The following API5 variants were observed in gnomAD, a reference collection of about 807,000 sequenced individuals.
The protein encoded by API5 is FIF.
In API5, 6 loss-of-function variants were observed where a neutral mutation model predicts 71.9. That is an observed-to-expected ratio of 0.08 (90% CI 0.05 to 0.16). The LOEUF (loss-of-function observed/expected upper bound fraction) is 0.16, where lower values mean the gene tolerates loss of function less well. API5 is among the 10% of genes least tolerant of loss of function. The pLI, the probability that API5 is intolerant of heterozygous loss-of-function variation, is 1.00. For synonymous variants in API5, 189 were observed against 221.3 expected, an observed-to-expected ratio of 0.85 and a Z score of 1.30; for missense variants, 332 against 612.8, an observed-to-expected ratio of 0.54 and a Z score of 4.84.
intron 13 of API5, among the ~76,000 whole-genome samples, chr11:43,341,827 A>G (rs1855625822): frequency 6.6e-6 from 1 of 152,218 alleles, no homozygotes. Context: ...ACGAATATGT[A>G]GAATTATTAT....
intron 11 of API5, chr11:43,332,184 T>C (rs1855280360): frequency 6.6e-6 from 1 of 152,228 alleles, no homozygotes; most frequent in African/African-American, 2.4e-5. Context: ...TCTCCTGCTA[T>C]ACTCTCACAG....
rs1854884990 is a variant in API5 at position 43,321,380 on chromosome 11, A to G, written c.326-31A>G. 2.6e-6 allele frequency: 4 copies of G among 1,554,648 alleles called. No homozygotes were observed. The African/African-American group carries it at 5.5e-5, about 21-fold the overall frequency. On this transcript the variant is annotated intron_variant, in intron 3 of 13. Coordinates refer to ENST00000531273, the MANE Select transcript of API5 (RefSeq NM_001142930.2). ...GCAGATGATATTTTAAATTTGTTTT[A>G]TATTCATTATGCCACTTTTTCTTTA...
chr11:43,324,493 T>G (rs1855002109), intron 6 of API5, among the ~76,000 whole-genome samples: 1 of 152,074 alleles, frequency 6.6e-6, no homozygotes, highest in Admixed American at 6.5e-5. Flanking sequence ...CCCGTCCCTG[T>G]AATCCCAATC....
intron 3 of API5, among the ~76,000 whole-genome samples, 181 bp downstream of exon 3, chr11:43,321,095 G>A (rs5743219): frequency 6.6e-6 from 1 of 152,018 alleles, no homozygotes; most frequent in South Asian, 2.1e-4. Context: ...CTAATTCCTG[G>A]TGTTGTTTTG....
chr11:43,330,553 GT>G lies in API5; in HGVS notation c.1271del (p.Leu424Ter). On this transcript the variant is annotated frameshift_variant, in exon 11 of 14. Coordinates refer to ENST00000531273, the MANE Select transcript of API5 (RefSeq NM_001142930.2). LOFTEE classifies it high-confidence loss of function. Reference protein sequence around the residue: ...VALKITNNINVLIKDLFHIPP... With the variant: ...VALKITNNINXLIKDLFHIPP... Reference sequence around the variant, plus strand: ...ATTGAAAATAACAAACAATATCAATGTTTTAATCAAGGTAAGTCTGTAATAC... The same window carrying G: ...ATTGAAAATAACAAACAATATCAATGTTTAATCAAGGTAAGTCTGTAATAC... 6.3e-7 allele frequency: 1 copy of G among 1,592,330 alleles called. No homozygotes were observed. Among genetic ancestry groups the G allele is most frequent in the Non-Finnish European group, 8.6e-7 (1 of 1,161,212 alleles).
intron 7 of API5, among the ~76,000 whole-genome samples, chr11:43,327,426 A>AGCC (rs1855110442): frequency 6.6e-6 from 1 of 152,224 alleles, no homozygotes; most frequent in Non-Finnish European, 1.5e-5. Flanking sequence ...CTTTATAGTT[A>AGCC]ATATATTTAT....
At chr11:43,313,391 C>T (rs1270951045) in intron 1 of API5, among the ~76,000 whole-genome samples, 1 of 152,128 alleles carries the variant, frequency 6.6e-6, no homozygotes, top group Admixed American at 6.5e-5. Context: ...ACCAGGCTCT[C>T]CTGGAGGTAA....
Position 43,320,282 on chromosome 11 carries a change from G to A in API5, c.232-539G>A, listed in dbSNP as rs867710135. Among the ~76,000 whole-genome samples, 3 of 152,082 alleles carry A rather than the reference G, an allele frequency of 2.0e-5. No homozygotes were observed. In the Middle Eastern group the frequency reaches 0.01, roughly 521 times the overall value. On this transcript the variant is annotated intron_variant, in intron 2 of 13. Transcript: ENST00000531273. ...GCTGGTCTCAAACTCCTGACCTCGT[G>A]ATCCACCTGCTTCAGCCTCCCAAAG...
chr11:43,324,965 CACCA>C (rs951486082), intron 6 of API5, among the ~76,000 whole-genome samples: 1 of 152,094 alleles, frequency 6.6e-6, no homozygotes, highest in African/African-American at 2.4e-5. Flanking sequence ...AGGCATGAGC[CACCA>C]TGCCTGGCCA....
chr11:43,331,930 T>G (rs776788455), intron 11 of API5: 1 of 152,238 alleles, frequency 6.6e-6, no homozygotes, highest in Non-Finnish European at 1.5e-5. Flanking sequence ...TTTTGCATAG[T>G]AAATTCATAT....
chr11:43,314,642 G>T (rs927040376), intron 1 of API5, among the ~76,000 whole-genome samples: 1 of 152,172 alleles, frequency 6.6e-6, no homozygotes, highest in African/African-American at 2.4e-5. Flanking sequence ...GGTTATGGGT[G>T]ATCAATGCGT....
At position 43,318,685 on chromosome 11, in the gene API5, A is replaced by G. The variant is rs780378979; in HGVS notation, c.115A>G (p.Thr39Ala). The change falls in exon 2 of 14, where the codon ACT becomes GCT. Residue 39 changes from threonine (T) to alanine (A), a missense_variant. Thr to Ala is a moderately conservative substitution (Grantham distance 58, BLOSUM62 0). Around this residue, in one of 3 missense-constraint regions of API5, gnomAD observed 127 missense variants for 237.6 expected, o/e 0.53. Coordinates refer to ENST00000531273, the MANE Select transcript of API5 (RefSeq NM_001142930.2). ...QVILDGVKGG[T>A]KEKRLAAQFI... ...GATATTGGATGGTGTGAAAGGTGGT[A>G]CTAAGGAAAAGCGATTAGCAGCTCA... The G allele has an allele frequency of 2.5e-6, 4 of 1,613,570 alleles. No homozygotes were observed. The highest frequency in any genetic ancestry group is 2.2e-5 in the East Asian group (1 of 44,874).
intron 8 of API5, among the ~76,000 whole-genome samples, chr11:43,328,340 T>G (rs1855143184): frequency 6.6e-6 from 1 of 152,212 alleles, no homozygotes; most frequent in South Asian, 2.1e-4. Context: ...AGTATAGTTG[T>G]TAAGAGCATC....
At position 43,335,232 on chromosome 11, in the gene API5, C is replaced by T. The variant is rs1855392085; in HGVS notation, c.1279-46C>T. 2.9e-6 allele frequency: 4 copies of T among 1,394,578 alleles called. No homozygotes were observed. The African/African-American group carries it at 5.6e-5, about 20-fold the overall frequency. The allele number at this position is 1,394,578 out of a possible 1,614,324, so 86.4% of individuals were successfully genotyped here. On this transcript the variant is annotated intron_variant, in intron 11 of 13. Transcript: ENST00000531273. Reference sequence around the variant, plus strand: ...TCCTACCCTCACCACCACTCCCTGCCACCAACAAATACATTAGAATTCTTG... The same window carrying T: ...TCCTACCCTCACCACCACTCCCTGCTACCAACAAATACATTAGAATTCTTG...
chr11:43,317,027 A>G (rs1854696749), intron 1 of API5, among the ~76,000 whole-genome samples: 2 of 152,198 alleles, frequency 1.3e-5, no homozygotes. Context: ...GAATCACTGT[A>G]AAATAAATTT....
intron 9 of API5, 156 bp downstream of exon 9, chr11:43,329,049 T>A: frequency 1.4e-6 from 1 of 735,074 alleles, no homozygotes; most frequent in Non-Finnish European, 2.2e-6. Flanking sequence ...TGTAAACATA[T>A]GACAGAAATG....
chr11:43,332,473 AG>A (rs1259509005), intron 11 of API5, among the ~76,000 whole-genome samples: 3 of 152,252 alleles, frequency 2.0e-5, no homozygotes. Flanking sequence ...TTGCTAGAGC[AG>A]CTTATAGAAC....
At chr11:43,318,466 A>C in intron 1 of API5, 174 bp from the exon 2 acceptor site, 1 of 1,535,746 alleles carries the variant, frequency 6.5e-7, no homozygotes, top group Non-Finnish European at 8.7e-7. Context: ...AGATGGAGGG[A>C]GAACGGAATT....
intron 13 of API5, among the ~76,000 whole-genome samples, chr11:43,336,483 G>A (rs1448539466): frequency 2.0e-5 from 3 of 152,160 alleles, no homozygotes; most frequent in African/African-American, 7.2e-5. Flanking sequence ...CATCTAGCAA[G>A]GAAGATGTGT....
Sources: gnomAD v4.1 joint callset for allele counts (sites outside exome capture counted in the v4.1 genomes callset) on GRCh38, gnomAD v4.1.1 for gene constraint, gnomAD v4.1.1 regional missense constraint, MANE v1.5 for transcripts, NCBI Gene and HGNC (gene_info 2026-07-23, HGNC 2026-07-21) for gene names.